AKAP12: variants seen among roughly 807,000 people sequenced by gnomAD.
AKAP12 encodes the protein A-kinase anchoring protein 12.
Under a neutral mutation model 79.9 loss-of-function variants are expected in AKAP12, and 32 were observed. The observed-to-expected ratio is 0.40, with a 90% CI of 0.30 to 0.54. The LOEUF is 0.54. Among genes scored for constraint, AKAP12 ranks in the 20% least tolerant of loss-of-function variants. The pLI, the probability that AKAP12 is intolerant of heterozygous loss-of-function variation, is 0.48. For missense variants in AKAP12, 2,074 were observed against 2,177.0 expected (o/e 0.95, Z 0.94); for synonymous variants, 808 against 857.0 (o/e 0.94, Z 1.00).
intron 2 of AKAP12, among the ~76,000 whole-genome samples, chr6:151,274,850 C>G (rs1408942605): frequency 1.3e-5 from 2 of 152,126 alleles, no homozygotes; most frequent in Non-Finnish European, 2.9e-5. Context: ...TTCCTGTAAT[C>G]CCAGCACTTT....
At chr6:151,250,455 G>A (rs1797151996) in intron 2 of AKAP12, among the ~76,000 whole-genome samples, 3 of 151,466 alleles carry the variant, frequency 2.0e-5, no homozygotes, top group Admixed American at 2.0e-4. Flanking sequence ...AGCCGAGATT[G>A]CACCACTGCA....
At chr6:151,335,589 A>C (rs1405456695) in intron 3 of AKAP12, among the ~76,000 whole-genome samples, 1 of 152,032 alleles carries the variant, frequency 6.6e-6, no homozygotes, top group Non-Finnish European at 1.5e-5. Context: ...CTCCTGCCTC[A>C]GCCTCTCAAG....
At chr6:151,293,706 A>G (rs1234358524) in intron 2 of AKAP12, among the ~76,000 whole-genome samples, 1 of 152,248 alleles carries the variant, frequency 6.6e-6, no homozygotes, top group African/African-American at 2.4e-5. Context: ...ACGGAACTCC[A>G]GTATTCCTCT....
At chr6:151,241,368 G>A (rs1467663850) in intron 2 of AKAP12, among the ~76,000 whole-genome samples, 2 of 152,238 alleles carry the variant, frequency 1.3e-5, no homozygotes, top group Non-Finnish European at 2.9e-5. Flanking sequence ...TTTCCAGAAG[G>A]AATGACAGGT....
intron 3 of AKAP12, among the ~76,000 whole-genome samples, chr6:151,345,131 A>C (rs1450347510): frequency 6.6e-6 from 1 of 151,852 alleles, no homozygotes; most frequent in Non-Finnish European, 1.5e-5. Flanking sequence ...GCTGGAGTGC[A>C]GTGGTGCGAT....
chr6:151,303,109 CT>C (rs1330818732), intron 2 of AKAP12, among the ~76,000 whole-genome samples: 1 of 152,132 alleles, frequency 6.6e-6, no homozygotes, highest in Non-Finnish European at 1.5e-5. Context: ...AGAAGAATCA[CT>C]TGAACCCAAA....
At chr6:151,323,316 C>G (rs1402750341) in intron 3 of AKAP12, among the ~76,000 whole-genome samples, 3 of 152,078 alleles carry the variant, frequency 2.0e-5, no homozygotes, top group Non-Finnish European at 4.4e-5. Context: ...TTTGGGAGGC[C>G]GAGGCGGGTG....
At chr6:151,311,975 G>A (rs1377326935) in intron 3 of AKAP12, among the ~76,000 whole-genome samples, 1 of 152,194 alleles carries the variant, frequency 6.6e-6, no homozygotes, top group African/African-American at 2.4e-5. Context: ...CTCTGCAAGA[G>A]GCTGCTTTCT....
In AKAP12 at chr6:151,350,502, C is replaced by A. The variant is rs776901571; in HGVS notation, c.2111C>A (p.Pro704Gln). Reference protein sequence around the residue: ...RGSSSDEEGGPKAMGGDHQKA... With the variant: ...RGSSSDEEGGQKAMGGDHQKA... ...TCCTCTTCTGATGAGGAAGGGGGAC[C>A]AAAAGCAATGGGAGGAGACCACCAG... The change falls in exon 4 of 5, where the codon CCA becomes CAA. Residue 704 changes from proline (P) to glutamine (Q), a missense_variant. Transcript: ENST00000402676. The surrounding 1 kb of genome is among the most constrained non-coding windows in gnomAD (Gnocchi z 4.8). 6.2e-7 allele frequency: 1 copy of A among 1,613,870 alleles called. No homozygotes were observed. The highest frequency in any genetic ancestry group is 8.5e-7 in the Non-Finnish European group (1 of 1,179,986).
At chr6:151,314,552 G>T (rs1777195456) in intron 3 of AKAP12, among the ~76,000 whole-genome samples, 1 of 152,164 alleles carries the variant, frequency 6.6e-6, no homozygotes, top group Admixed American at 6.5e-5. Context: ...ATAGGGATTG[G>T]TTATAGCCAG....
At chr6:151,313,519 C>T (rs1289894218) in intron 3 of AKAP12, among the ~76,000 whole-genome samples, 2 of 152,212 alleles carry the variant, frequency 1.3e-5, no homozygotes, top group African/African-American at 4.8e-5. Context: ...ACTGAAATTA[C>T]TTATGTCATT....
At chr6:151,271,719 G>C (rs1302762628) in intron 2 of AKAP12, among the ~76,000 whole-genome samples, 1 of 152,128 alleles carries the variant, frequency 6.6e-6, no homozygotes, top group Non-Finnish European at 1.5e-5. Context: ...GAGTGCAGTG[G>C]TGCGATTTCG....
At chr6:151,253,242 A>G (rs1797221316) in intron 2 of AKAP12, among the ~76,000 whole-genome samples, 1 of 152,194 alleles carries the variant, frequency 6.6e-6, no homozygotes, top group Non-Finnish European at 1.5e-5. Flanking sequence ...TGCATTTCAC[A>G]GTTTTTAACC....
chr6:151,261,531 C>G (rs1797433983), intron 2 of AKAP12, among the ~76,000 whole-genome samples: 1 of 151,394 alleles, frequency 6.6e-6, no homozygotes, highest in African/African-American at 2.4e-5. Flanking sequence ...AAATACAAAC[C>G]CCGTCTTTAA....
At chr6:151,326,976 C>T (rs1358280708) in intron 3 of AKAP12, among the ~76,000 whole-genome samples, 6 of 152,040 alleles carry the variant, frequency 3.9e-5, no homozygotes, top group Admixed American at 6.6e-5. Flanking sequence ...GCCACCACGC[C>T]CAGATAATTT....
chr6:151,323,845 T>C, intron 3 of AKAP12: 1 of 985,412 alleles, frequency 1.0e-6, no homozygotes, highest in Non-Finnish European at 1.2e-6. Flanking sequence ...CACCAGATGA[T>C]AGCCTTGTGT....
intron 3 of AKAP12, among the ~76,000 whole-genome samples, chr6:151,339,486 T>C (rs1296164760): frequency 6.6e-6 from 1 of 152,226 alleles, no homozygotes; most frequent in African/African-American, 2.4e-5. Flanking sequence ...AATTCCCATG[T>C]GTCCCTTGCC....
rs910430896 is a variant in AKAP12, at chr6:151,350,716, G to A, written c.2325G>A (p.Lys775=). The stretch of plus-strand genomic sequence containing the variant: ...CGCCAAGAAAAAAATCAAAGTCCAA[G>A]CTGGAAGAGAAAAGCGAAGACTCCA... ...LVTPRKKSKS[K]LEEKSEDSIA... Residue 775 remains lysine, a synonymous_variant, in exon 4 of 5, where the codon AAG becomes AAA. Transcript: ENST00000402676. This position sits in a 1 kb window ranked among gnomAD's most constrained non-coding sequence, Gnocchi z 4.8. The A allele has an allele frequency of 2.5e-6, 4 of 1,613,930 alleles. No homozygotes were observed. Among genetic ancestry groups the A allele is most frequent in the East Asian group, 4.5e-5 (2 of 44,878 alleles).
intron 2 of AKAP12, among the ~76,000 whole-genome samples, chr6:151,259,903 C>CT (rs55867750): frequency 0.59 from 86,395 of 147,138 alleles, 26,937 homozygotes; most frequent in African/African-American, 0.83. Flanking sequence ...GTAACTTTCT[C>CT]TTTTTTTTTT....
Sources: allele counts gnomAD v4.1 joint callset (sites outside exome capture counted in the v4.1 genomes callset), GRCh38; gene constraint gnomAD v4.1.1; non-coding constraint Gnocchi (gnomAD v3.1); transcripts MANE v1.5; gene names NCBI Gene and HGNC (gene_info 2026-07-23, HGNC 2026-07-21).